Variants in GRM8 observed in about 807,000 individuals in gnomAD.
The protein encoded by GRM8 is glutamate metabotropic receptor 8.
GRM8 carries 47 observed loss-of-function variants against 87.2 expected under a neutral mutation model. The ratio of observed to expected loss-of-function variants is 0.54; its 90% CI spans 0.43 to 0.69. The LOEUF is 0.69. Among genes scored for constraint, GRM8 ranks in the 30% least tolerant of loss-of-function variants. The pLI is 0.00. For synonymous variants in GRM8, 396 were observed against 404.5 expected, an observed-to-expected ratio of 0.98 and a Z score of 0.25; for missense variants, 1,019 against 1,139.2, an observed-to-expected ratio of 0.89 and a Z score of 1.52.
intron 6 of GRM8, among the ~76,000 whole-genome samples, chr7:126,832,638 A>G (rs1795500850): frequency 6.6e-6 from 1 of 152,230 alleles, no homozygotes. Context: ...GTATAAAACT[A>G]CTGTTACAAA....
chr7:126,927,329 G>T (rs893594596), intron 3 of GRM8, among the ~76,000 whole-genome samples: 4 of 151,874 alleles, frequency 2.6e-5, no homozygotes, highest in Non-Finnish European at 4.4e-5. Context: ...TAGAGACAAG[G>T]TCTCACTATG....
chr7:127,146,517 A>G (rs780280619), intron 2 of GRM8, among the ~76,000 whole-genome samples: 4 of 152,106 alleles, frequency 2.6e-5, no homozygotes, highest in African/African-American at 4.8e-5. Flanking sequence ...GGACAAACCC[A>G]GGAAAACTCA....
At chr7:127,153,224 A>C (rs971759255) in intron 2 of GRM8, among the ~76,000 whole-genome samples, 7 of 152,148 alleles carry the variant, frequency 4.6e-5, no homozygotes, top group Admixed American at 3.9e-4. Flanking sequence ...TTTCACAGCC[A>C]TCAGAAGCAC....
intron 3 of GRM8, among the ~76,000 whole-genome samples, chr7:127,068,186 T>C (rs527312560): frequency 8.5e-5 from 13 of 152,298 alleles, no homozygotes; most frequent in African/African-American, 3.1e-4. Flanking sequence ...ATTGTAATCA[T>C]TTAGAATCTG....
intron 6 of GRM8, among the ~76,000 whole-genome samples, chr7:126,855,545 G>A (rs1797598274): frequency 6.8e-6 from 1 of 146,086 alleles, no homozygotes; most frequent in South Asian, 2.2e-4. Context: ...GAGTGATCTT[G>A]GCTCATGGTA....
intron 3 of GRM8, chr7:127,105,159 T>G (rs1825692359): frequency 6.6e-6 from 1 of 152,212 alleles, no homozygotes; most frequent in Admixed American, 6.5e-5. Context: ...CCTCTAAGGA[T>G]AAACTTTAGA....
At chr7:126,599,595 A>T (rs57103947) in intron 8 of GRM8, among the ~76,000 whole-genome samples, 1 of 152,082 alleles carries the variant, frequency 6.6e-6, no homozygotes, top group Non-Finnish European at 1.5e-5. Context: ...TGCATCTATC[A>T]GGCATCTAAC....
chr7:126,986,199 TG>T (rs1486172501), intron 3 of GRM8, among the ~76,000 whole-genome samples: 1 of 152,036 alleles, frequency 6.6e-6, no homozygotes, highest in Non-Finnish European at 1.5e-5. Context: ...AAACATTTTT[TG>T]TAGAGACAGG....
At position 126,685,399 on chromosome 7, in the gene GRM8, A is replaced by C. The variant is rs1233542003; in HGVS notation, c.1358-75901T>G. Reference sequence around the variant, plus strand: ...ACAAGCGGGAGACCCACCCCCTCTGAGTTAGCTGGGTGGGAGCTCCCTGGG... The same window carrying C: ...ACAAGCGGGAGACCCACCCCCTCTGCGTTAGCTGGGTGGGAGCTCCCTGGG... On this transcript the variant is annotated intron_variant, in intron 7 of 10. Coordinates refer to ENST00000339582, the MANE Select transcript of GRM8 (RefSeq NM_000845.3). The surrounding 1 kb of genome is among the most constrained non-coding windows in gnomAD (Gnocchi z 4.2). Among the ~76,000 whole-genome samples the C allele has an allele frequency of 1.3e-5, 2 of 151,988 alleles. No individual in the cohort carries two copies. The highest frequency in any genetic ancestry group is 2.9e-5 in the Non-Finnish European group (2 of 67,968).
chr7:126,864,859 C>T (rs913870663), intron 6 of GRM8, among the ~76,000 whole-genome samples: 1 of 151,974 alleles, frequency 6.6e-6, no homozygotes, highest in African/African-American at 2.4e-5. Flanking sequence ...GCTGGGACCC[C>T]ATATATGGTA....
At chr7:126,908,197 G>A (rs1423158399) in intron 3 of GRM8, among the ~76,000 whole-genome samples, 1 of 152,126 alleles carries the variant, frequency 6.6e-6, no homozygotes, top group African/African-American at 2.4e-5. Flanking sequence ...GTGTTGTGGG[G>A]CAAAGAGGTC....
chr7:126,811,055 G>T (rs979834735), intron 6 of GRM8, among the ~76,000 whole-genome samples: 1 of 152,028 alleles, frequency 6.6e-6, no homozygotes, highest in African/African-American at 2.4e-5. Context: ...TATATGGTGA[G>T]AGATAGAGGC....
At chr7:126,822,278 G>C (rs182686385) in intron 6 of GRM8, among the ~76,000 whole-genome samples, 1 of 152,030 alleles carries the variant, frequency 6.6e-6, no homozygotes, top group South Asian at 2.1e-4. Context: ...GTCATTTAAA[G>C]TTTCTTTAAA....
At chr7:126,765,692 T>C (rs1400880135) in intron 7 of GRM8, among the ~76,000 whole-genome samples, 1 of 152,072 alleles carries the variant, frequency 6.6e-6, no homozygotes, top group African/African-American at 2.4e-5. Context: ...TGTTGATAAA[T>C]CTTAGGGTTT....
intron 10 of GRM8, among the ~76,000 whole-genome samples, chr7:126,440,365 C>T (rs1374722491): frequency 4.2e-5 from 6 of 141,698 alleles, no homozygotes; most frequent in East Asian, 4.4e-4. Flanking sequence ...GAGCCGAGAT[C>T]GCGCCACTGC....
At chr7:126,467,149 C>T (rs1804593760) in intron 9 of GRM8, among the ~76,000 whole-genome samples, 1 of 151,460 alleles carries the variant, frequency 6.6e-6, no homozygotes, top group African/African-American at 2.4e-5. Flanking sequence ...CTCCTAGCCC[C>T]CCACCCCCCG....
At chr7:126,784,927 A>C (rs1820472524) in intron 6 of GRM8, among the ~76,000 whole-genome samples, 1 of 152,206 alleles carries the variant, frequency 6.6e-6, no homozygotes. Context: ...TGAAGATATA[A>C]ACGTGTTACC....
At chr7:126,618,338 A>T (rs1799750690) in intron 7 of GRM8, among the ~76,000 whole-genome samples, 1 of 152,244 alleles carries the variant, frequency 6.6e-6, no homozygotes, top group Non-Finnish European at 1.5e-5. Context: ...AGAAAGCTCA[A>T]ACTGGATCCC....
At chr7:127,122,587 C>T (rs1479955291) in intron 2 of GRM8, among the ~76,000 whole-genome samples, 1 of 72,242 alleles carries the variant, frequency 1.4e-5, no homozygotes, top group Non-Finnish European at 2.8e-5. Context: ...TTTGGATGCC[C>T]TTTAATTTTT....
Sources: gnomAD v4.1 joint callset for allele counts (sites outside exome capture counted in the v4.1 genomes callset) on GRCh38, gnomAD v4.1.1 for gene constraint, Gnocchi (gnomAD v3.1) non-coding constraint, MANE v1.5 for transcripts, NCBI Gene and HGNC (gene_info 2026-07-23, HGNC 2026-07-21) for gene names.